CACNA1C: variants seen among roughly 807,000 people sequenced by gnomAD.
The protein encoded by CACNA1C is calcium voltage-gated channel subunit alpha1 C.
CACNA1C carries 30 observed loss-of-function variants against 229.0 expected under a neutral mutation model. The observed-to-expected ratio is 0.13, with a 90% CI of 0.10 to 0.18. The LOEUF (loss-of-function observed/expected upper bound fraction) is 0.18. CACNA1C is among the 10% of genes least tolerant of loss of function. The pLI is 1.00. For missense variants in CACNA1C, 1,658 were observed against 2,845.0 expected (o/e 0.58, Z 9.49); for synonymous variants, 1,114 against 1,132.5 (o/e 0.98, Z 0.33).
upstream of CACNA1C, chr12:1,970,861 G>A (rs2032009123): frequency 3.4e-6 from 1 of 296,016 alleles, no homozygotes; most frequent in African/African-American, 2.2e-5. Context: ...GTTTTGTTTT[G>A]TTTTTTAGAA....
In CACNA1C at chr12:2,679,488, C is replaced by T. The variant is rs780871697; in HGVS notation, c.5136C>T (p.Ser1712=). 6.9e-5 allele frequency: 110 copies of T among 1,602,446 alleles called. No individual in the cohort carries two copies. The highest frequency in any genetic ancestry group is 1.5e-4 in the Admixed American group (9 of 59,114). The change falls in exon 42 of 47, where the codon AGC becomes AGT. Residue 1712 remains serine, a synonymous_variant. Transcript: ENST00000399655. This position sits in a 1 kb window ranked among gnomAD's most constrained non-coding sequence, Gnocchi z 5.5. ...LFGNHVSYYQ[S]DGRSAFPQTF... is the part of the protein sequence containing the mutation. The stretch of plus-strand genomic sequence containing the variant: ...GCAACCACGTCAGCTACTACCAAAG[C>T]GACGGCCGGAGCGCCTTCCCCCAGA...
chr12:2,125,053 C>T (rs939865078), intron 3 of CACNA1C, among the ~76,000 whole-genome samples: 2 of 151,898 alleles, frequency 1.3e-5, no homozygotes, highest in South Asian at 4.2e-4. Flanking sequence ...ACAGCCAGAC[C>T]CTGGAGAACA....
At chr12:2,682,267 C>T (rs2097185511) in intron 42 of CACNA1C, among the ~76,000 whole-genome samples, 1 of 151,848 alleles carries the variant, frequency 6.6e-6, no homozygotes, top group African/African-American at 2.4e-5. Context: ...GACCAAGTGA[C>T]TTGGACCAGA....
At chr12:2,071,836 TC>T (rs1343162511) in intron 1 of CACNA1C, among the ~76,000 whole-genome samples, 1 of 152,222 alleles carries the variant, frequency 6.6e-6, no homozygotes, top group Non-Finnish European at 1.5e-5. Context: ...AGTATCTTTT[TC>T]CCTTTATAAT....
chr12:2,229,464 A>G (rs577952208), intron 3 of CACNA1C, among the ~76,000 whole-genome samples: 2 of 152,344 alleles, frequency 1.3e-5, no homozygotes, highest in East Asian at 3.9e-4. Context: ...GTTAGCAATA[A>G]ATAAAACAGG....
intron 13 of CACNA1C, among the ~76,000 whole-genome samples, chr12:2,572,797 C>T (rs1433477163): frequency 2.6e-4 from 34 of 130,990 alleles, no homozygotes; most frequent in African/African-American, 9.8e-4. Flanking sequence ...TCCTCCTCCT[C>T]CTCTCCTCCT....
chr12:2,303,620 T>G (rs920264039), intron 3 of CACNA1C, among the ~76,000 whole-genome samples: 1 of 151,974 alleles, frequency 6.6e-6, no homozygotes, highest in African/African-American at 2.4e-5. Context: ...ACAAACAAAA[T>G]AGTATGCTAC....
At chr12:2,087,632 A>T (rs896053115) in intron 1 of CACNA1C, among the ~76,000 whole-genome samples, 1 of 152,220 alleles carries the variant, frequency 6.6e-6, no homozygotes, top group African/African-American at 2.4e-5. Context: ...CAAAGAAAAA[A>T]ATCATAAATT....
chr12:1,981,031 T>C lies in CACNA1C; in HGVS notation c.139+9830T>C, dbSNP rs370358494. Among the ~76,000 whole-genome samples the C allele has an allele frequency of 2.5e-4, 38 of 152,298 alleles. No individual in the cohort carries two copies. In the South Asian group the frequency reaches 7.0e-3, roughly 28 times the overall value. On this transcript the variant is annotated intron_variant, in intron 1 of 46. Coordinates refer to the CACNA1C transcript ENST00000682462. ...TGCATTATACATCATCTTGTTCACA[T>C]AGATAAAACTAACATTTTCCCACAT...
chr12:2,667,997 A>G (rs1251248895), intron 37 of CACNA1C, among the ~76,000 whole-genome samples: 2 of 152,216 alleles, frequency 1.3e-5, no homozygotes, highest in Non-Finnish European at 1.5e-5. Context: ...TGTGCTGGGA[A>G]AGAAGAGGGC....
chr12:2,068,706 C>T (rs913266146), intron 1 of CACNA1C, among the ~76,000 whole-genome samples: 3 of 152,198 alleles, frequency 2.0e-5, no homozygotes, highest in Admixed American at 6.5e-5. Context: ...TGACGGCCCT[C>T]GTGGGAGTTG....
chr12:2,370,316 A>G (rs545275838), intron 3 of CACNA1C, among the ~76,000 whole-genome samples: 2 of 152,370 alleles, frequency 1.3e-5, no homozygotes, highest in African/African-American at 4.8e-5. Context: ...GGTCTTTGAA[A>G]TGTTCATACC....
chr12:2,386,109 T>C (rs2098382806), intron 3 of CACNA1C, among the ~76,000 whole-genome samples: 1 of 152,204 alleles, frequency 6.6e-6, no homozygotes, highest in Admixed American at 6.5e-5. Context: ...TACTATATAA[T>C]GGTGTGCTAC....
chr12:2,202,150 T>C lies in CACNA1C; in HGVS notation c.477+81720T>C, dbSNP rs373892454. Among the ~76,000 whole-genome samples the C allele has an allele frequency of 9.6e-3, 1,464 of 152,350 alleles. 22 individuals carry two copies. The highest frequency in any genetic ancestry group is 0.032 in the African/African-American group (1,335 of 41,578). ...CCTTCACAATGCACAGGCATTGCTT[T>C]TGATAAATTGGATTGACTTAGAGGA... On this transcript the variant is annotated intron_variant, in intron 3 of 46. Transcript: ENST00000399655.
At position 2,639,261 on chromosome 12, in the gene CACNA1C, T is replaced by C. The variant is rs2093342667; in HGVS notation, c.3912+4881T>C. On this transcript the variant is annotated intron_variant, in intron 30 of 46. Coordinates refer to ENST00000399655, the MANE Select transcript of CACNA1C (RefSeq NM_000719.7). This position sits in a 1 kb window ranked among gnomAD's most constrained non-coding sequence, Gnocchi z 4.2. Reference sequence around the variant, plus strand: ...TGTCCTGCTGCTCTAGGGAAGCCTCTTGCTCTTCCTCAGTGCTTGGGTCTG... The same window carrying C: ...TGTCCTGCTGCTCTAGGGAAGCCTCCTGCTCTTCCTCAGTGCTTGGGTCTG... 1.3e-5 allele frequency among the ~76,000 whole-genome samples: 2 copies of C among 152,228 alleles called. No homozygotes were observed. Among genetic ancestry groups the C allele is most frequent in the African/African-American group, 4.8e-5 (2 of 41,458 alleles).
intron 29 of CACNA1C, among the ~76,000 whole-genome samples, chr12:2,627,693 C>T (rs1479904127): frequency 5.3e-5 from 8 of 152,118 alleles, no homozygotes; most frequent in African/African-American, 1.7e-4. Flanking sequence ...CCTCCCTCAG[C>T]GCCACCCCAC....
At chr12:2,197,670 C>T (rs553958003) in intron 3 of CACNA1C, among the ~76,000 whole-genome samples, 1 of 152,286 alleles carries the variant, frequency 6.6e-6, no homozygotes, top group African/African-American at 2.4e-5. Flanking sequence ...TTCCTTTCCC[C>T]TCCTCCAAAA....
chr12:2,653,819 C>A lies in CACNA1C; in HGVS notation c.4075-16C>A. 1 of 1,612,996 alleles carries A rather than the reference C, an allele frequency of 6.2e-7. No homozygotes were observed. ...TGCACTCCAGCCTCATGGGAGTCTC[C>A]TGCACTTCCTTCCAGGCCCTGCCCT... On this transcript the variant is annotated splice_polypyrimidine_tract_variant and intron_variant, in intron 32 of 46. Coordinates refer to ENST00000399655, the MANE Select transcript of CACNA1C (RefSeq NM_000719.7). The surrounding 1 kb of genome is among the most constrained non-coding windows in gnomAD (Gnocchi z 4.7).
At chr12:2,322,590 T>C (rs923781927) in intron 3 of CACNA1C, among the ~76,000 whole-genome samples, 6 of 152,302 alleles carry the variant, frequency 3.9e-5, no homozygotes, top group Admixed American at 1.3e-4. Flanking sequence ...GAAACCTTAG[T>C]GGACTGTCCA....
Sources: gnomAD v4.1 joint callset for allele counts (sites outside exome capture counted in the v4.1 genomes callset) on GRCh38, gnomAD v4.1.1 for gene constraint, Gnocchi (gnomAD v3.1) non-coding constraint, MANE v1.5 for transcripts, NCBI Gene and HGNC (gene_info 2026-07-23, HGNC 2026-07-21) for gene names.